SPTA1: variants seen among roughly 807,000 people sequenced by gnomAD.
SPTA1 encodes spectrin alpha chain, erythrocytic 1.
Under a neutral mutation model 324.7 loss-of-function variants are expected in SPTA1, and 177 were observed. That is an observed-to-expected ratio of 0.55 (90% CI 0.48 to 0.62). SPTA1 has a LOEUF of 0.62. Ranked by LOEUF, SPTA1 falls within the 20% of genes least tolerant of loss-of-function variation. The probability of loss-of-function intolerance (pLI) is 0.00; values close to 1 mark genes in which losing one functional copy is unlikely to be tolerated. For missense variants in SPTA1, 3,162 were observed against 2,883.6 expected (o/e 1.10, Z -2.21); for synonymous variants, 1,195 against 1,041.3 (o/e 1.15, Z -2.84).
intron 7 of SPTA1, 138 bp from the exon 8 acceptor site, chr1:158,676,433 T>C (rs12135144): frequency 0.094 from 79,952 of 846,348 alleles, 4,109 homozygotes; most frequent in East Asian, 0.11. Flanking sequence ...TCTATTAATA[T>C]ACTAATGTAC....
chr1:158,681,494 G>T, intron 4 of SPTA1, 33 bp downstream of exon 4: 1 of 1,613,306 alleles, frequency 6.2e-7, no homozygotes, highest in Non-Finnish European at 8.5e-7. Context: ...AGGAGTGGGA[G>T]GCCCTGTGTG....
rs769083223 is a variant in SPTA1, at chr1:158,652,663, G to A, written c.3189-10C>T. On this transcript the variant is annotated splice_polypyrimidine_tract_variant and intron_variant, in intron 22 of 51. Transcript: ENST00000643759. ...CAAGAGGGAGCGGTATCTGGATGGA[G>A]AATTGGGAAAAGTGGAATAAAAGAA... 31 of 1,613,892 alleles carry A rather than the reference G, an allele frequency of 1.9e-5. No homozygotes were observed. The highest frequency in any genetic ancestry group is 1.2e-4 in the Admixed American group (7 of 59,998).
At chr1:158,667,030 A>G (rs1456218174) in intron 15 of SPTA1, among the ~76,000 whole-genome samples, 1 of 152,092 alleles carries the variant, frequency 6.6e-6, no homozygotes, top group Non-Finnish European at 1.5e-5. Flanking sequence ...ATTCTGTACT[A>G]TTATCTTATT....
intron 39 of SPTA1, among the ~76,000 whole-genome samples, chr1:158,631,386 A>AT (rs1261176741): frequency 6.6e-6 from 1 of 152,182 alleles, no homozygotes; most frequent in Non-Finnish European, 1.5e-5. Context: ...GTTCTCACTT[A>AT]TAAATAGGAG....
Position 158,654,664 on chromosome 1 carries a change from C to G in SPTA1, c.2983G>C (p.Glu995Gln), listed in dbSNP as rs779490540. ...ACATCACCTTTCTTCATGGTGACTT[C>G]TCGGGGGCTGCGGGCCTGGAAGTCA... ...LYDFQARSPR[E>Q]VTMKKGDVLT... is the part of the protein sequence containing the mutation. The change falls in exon 21 of 52, where the codon GAA (glutamate) becomes CAA (glutamine). Residue 995 changes from glutamate (E) to glutamine (Q), a missense_variant. By Grantham distance (29) the Glu-to-Gln change is conservative (BLOSUM62 2). Transcript: ENST00000643759. 3.8e-5 allele frequency: 62 copies of G among 1,613,784 alleles called. No individual in the cohort carries two copies. The highest frequency in any genetic ancestry group is 4.1e-5 in the Non-Finnish European group (48 of 1,179,990).
chr1:158,617,705 A>G (rs1181597325), intron 46 of SPTA1, 117 bp from the exon 47 acceptor site: 1 of 1,087,862 alleles, frequency 9.2e-7, no homozygotes, highest in Non-Finnish European at 1.4e-6. Context: ...GGCTTACATG[A>G]AGCAAAATTT....
intron 28 of SPTA1, 30 bp from the exon 29 acceptor site, chr1:158,645,415 A>C (rs762888373): frequency 6.2e-7 from 1 of 1,614,004 alleles, no homozygotes; most frequent in South Asian, 1.1e-5. Flanking sequence ...GAAATCAGTG[A>C]GGCCAACTCC....
At chr1:158,615,519 G>T in intron 47 of SPTA1, 116 bp from the exon 48 acceptor site, 3 of 1,042,256 alleles carry the variant, frequency 2.9e-6, no homozygotes, top group Non-Finnish European at 4.3e-6. Flanking sequence ...CTTGTTCTCT[G>T]TGAAAAGATG....
intron 1 of SPTA1, 25 bp from the exon 2 acceptor site, chr1:158,685,372 C>T (rs2564859): frequency 1.9e-6 from 3 of 1,610,938 alleles, no homozygotes; most frequent in Non-Finnish European, 2.5e-6. Flanking sequence ...GATTCTGTTA[C>T]TTGCTAGTTC....
intron 45 of SPTA1, 170 bp downstream of exon 45, chr1:158,619,052 T>C (rs1005654280): frequency 9.9e-6 from 7 of 707,380 alleles, no homozygotes; most frequent in Non-Finnish European, 1.5e-5. Context: ...TTTCCAAGAA[T>C]TGATTCAGAA....
intron 38 of SPTA1, among the ~76,000 whole-genome samples, chr1:158,634,910 T>G (rs1650953803): frequency 6.6e-6 from 1 of 152,136 alleles, no homozygotes; most frequent in Non-Finnish European, 1.5e-5. Flanking sequence ...TCTACTGTCT[T>G]AAGAAACTTT....
rs1222514583 is a variant in SPTA1, at chr1:158,683,463, C to G, written c.298G>C (p.Glu100Gln). Residue 100 changes from glutamate to glutamine, a missense_variant, in exon 3 of 52, where the codon GAG (glutamate) becomes CAG (glutamine). By Grantham distance (29) the Glu-to-Gln change is conservative. Transcript: ENST00000643759. ...KYQKHQSLEA[E>Q]VQTKSRLMSE... ...ATGAGTCTTGATTTTGTTTGCACCT[C>G]TGCTTCAAGGGATTGATGCTTCTGA... The G allele has an allele frequency of 6.2e-7, 1 of 1,613,294 alleles. No homozygotes were observed. Among genetic ancestry groups the G allele is most frequent in the Non-Finnish European group, 8.5e-7 (1 of 1,179,480 alleles).
At chr1:158,638,328 G>T in intron 35 of SPTA1, 87 bp from the exon 36 acceptor site, 1 of 1,305,572 alleles carries the variant, frequency 7.7e-7, no homozygotes, top group Non-Finnish European at 1.1e-6. Flanking sequence ...CTGGCTCAAA[G>T]ACTGGGCCAA....
At position 158,620,283 on chromosome 1, in the gene SPTA1, A is replaced by C. The variant is rs762235683; in HGVS notation, c.6304T>G (p.Leu2102Val). 2.5e-5 allele frequency: 41 copies of C among 1,614,002 alleles called. No homozygotes were observed. Among genetic ancestry groups the C allele is most frequent in the Non-Finnish European group, 3.4e-5 (40 of 1,180,034 alleles). The change falls in exon 44 of 52, where the codon TTG (leucine) becomes GTG (valine). Residue 2102 changes from leucine (L) to valine (V), a missense_variant. Coordinates refer to ENST00000643759, the MANE Select transcript of SPTA1 (RefSeq NM_003126.4). ...TTAATCTGCTGGTCTAGCTCCAGCAAACATTTAAAGTCTGCTTGAGCCCTA... is the reference window on the plus strand; with the variant it reads ...TTAATCTGCTGGTCTAGCTCCAGCACACATTTAAAGTCTGCTTGAGCCCTA... ...LARAQADFKC[L>V]LELDQQIKAL...
At chr1:158,646,086 A>G (rs985669750) in intron 27 of SPTA1, among the ~76,000 whole-genome samples, 3 of 152,150 alleles carry the variant, frequency 2.0e-5, no homozygotes, top group African/African-American at 7.2e-5. Flanking sequence ...TTTTATTCTC[A>G]AGTGAATCTA....
chr1:158,656,717 A>C, intron 19 of SPTA1, 61 bp from the exon 20 acceptor site: 1 of 1,457,732 alleles, frequency 6.9e-7, no homozygotes, highest in Non-Finnish European at 9.6e-7. Context: ...TATTTCAACT[A>C]CTATTATTTT....
At chr1:158,629,062 A>C (rs564964019) in intron 39 of SPTA1, among the ~76,000 whole-genome samples, 1 of 152,090 alleles carries the variant, frequency 6.6e-6, no homozygotes, top group South Asian at 2.1e-4. Flanking sequence ...AACATTTCTA[A>C]ACACCTTCGC....
At position 158,620,358 on chromosome 1, in the gene SPTA1, C is replaced by T; in HGVS notation, c.6229G>A (p.Glu2077Lys). The change falls in exon 44 of 52, where the codon GAA becomes AAA. Residue 2077 changes from glutamate (E) to lysine (K), a missense_variant. Transcript: ENST00000643759. ...TGGTCTTTCTGCAGCTGCCGAATTT[C>T]ATTCAGGGAGACACAGTGCACAGGC... ...SEPVHCVSLN[E>K]IRQLQKDHED... The T allele has an allele frequency of 6.2e-7, 1 of 1,614,104 alleles. No individual in the cohort carries two copies. Among genetic ancestry groups the T allele is most frequent in the Non-Finnish European group, 8.5e-7 (1 of 1,180,040 alleles).
At position 158,676,186 on chromosome 1, in the gene SPTA1, C is replaced by T. The variant is rs796158885; in HGVS notation, c.1067G>A (p.Arg356His). ...EDLVSSWEHI[R>H]ALATSRYEKL... ...TTCATATCTGCTGGTGGCCAGGGCA[C>T]GAATATGCTCCCAGCTGGAGACCAG... Residue 356 changes from arginine (R) to histidine (H), a missense_variant, in exon 8 of 52, where the codon CGT (arginine) becomes CAT (histidine). Physicochemically the swap from Arg to His is conservative, Grantham distance 29. Transcript: ENST00000643759. 5 of 1,613,580 alleles carry T rather than the reference C, an allele frequency of 3.1e-6. No individual in the cohort carries two copies. Among genetic ancestry groups the T allele is most frequent in the Middle Eastern group, 1.7e-4 (1 of 6,028 alleles).
Sources: gnomAD v4.1 joint callset for allele counts (sites outside exome capture counted in the v4.1 genomes callset) on GRCh38, gnomAD v4.1.1 for gene constraint, MANE v1.5 for transcripts, NCBI Gene and HGNC (gene_info 2026-07-23, HGNC 2026-07-21) for gene names.